ABCA3: variants seen among roughly 807,000 people sequenced by gnomAD.
ABCA3 encodes the protein ATP binding cassette subfamily A member 3.
A neutral mutation model predicts 172.8 loss-of-function variants in ABCA3; 88 were observed. The ratio of observed to expected loss-of-function variants is 0.51; its 90% CI spans 0.43 to 0.61. The LOEUF is 0.61. ABCA3 is among the 20% of genes least tolerant of loss of function. The pLI is 0.00. For synonymous variants in ABCA3, 1,066 were observed against 983.8 expected, an observed-to-expected ratio of 1.08 and a Z score of -1.56; for missense variants, 2,164 against 2,301.0, an observed-to-expected ratio of 0.94 and a Z score of 1.22.
In ABCA3 at chr16:2,286,838, TG is replaced by T; in HGVS notation, c.3133del (p.Gln1045ArgfsTer89). The T allele has an allele frequency of 1.2e-6, 2 of 1,614,136 alleles. No homozygotes were observed. Among genetic ancestry groups the T allele is most frequent in the Non-Finnish European group, 1.7e-6 (2 of 1,180,034 alleles). ...RTVVNALFNNQAYHSPATALA... is the reference protein window; with the variant it reads ...RTVVNALFNNXAYHSPATALA... ...GGCAGTGGCTGGAGAGTGGTACGCC[TG>T]GTTGTTGAACAAGGCGTTGACGACC... On this transcript the variant is annotated frameshift_variant, in exon 22 of 33. Transcript: ENST00000301732. LOFTEE classifies it high-confidence loss of function. This position sits in a 1 kb window ranked among gnomAD's most constrained non-coding sequence, Gnocchi z 5.2.
rs760782028 is a variant in ABCA3, at chr16:2,276,625, C to T, written c.*49G>A. 12 of 1,603,488 alleles carry T rather than the reference C, an allele frequency of 7.5e-6. No individual in the cohort carries two copies. Among genetic ancestry groups the T allele is most frequent in the Admixed American group, 5.0e-5 (3 of 59,892 alleles). On this transcript the variant is annotated 3_prime_UTR_variant, in exon 33 of 33. Coordinates refer to ENST00000301732, the MANE Select transcript of ABCA3 (RefSeq NM_001089.3). ...TGGAGAGAGAGGATGTAAGATGGGC[C>T]CTGCTTGCCCGTCCTGTCCCTGCCT...
At position 2,281,446 on chromosome 16, in the gene ABCA3, G is replaced by C; in HGVS notation, c.4099C>G (p.Arg1367Gly). Residue 1367 changes from arginine to glycine, a missense_variant, in exon 27 of 33, where the codon CGC becomes GGC. By Grantham distance (125) the Arg-to-Gly change is moderately radical (BLOSUM62 -2). Transcript: ENST00000301732. The surrounding 1 kb of genome is among the most constrained non-coding windows in gnomAD (Gnocchi z 4.7). ...EDQDVADERT[R>G]ILAPSPDSLL... The stretch of plus-strand genomic sequence containing the variant: ...GAGTCCGGACTGGGGGCCAGGATGC[G>C]GGTCCTCTCGTCCGCTACATCTTGG... The C allele has an allele frequency of 2.5e-6, 4 of 1,613,652 alleles. No homozygotes were observed. Among genetic ancestry groups the C allele is most frequent in the Non-Finnish European group, 3.4e-6 (4 of 1,179,982 alleles).
At position 2,276,047 on chromosome 16, in the gene ABCA3, T is replaced by G. The variant is rs2093645785; in HGVS notation, c.*627A>C. On this transcript the variant is annotated 3_prime_UTR_variant, in exon 33 of 33. Coordinates refer to ENST00000301732, the MANE Select transcript of ABCA3 (RefSeq NM_001089.3). ...CTTCGAGCCTGGCCACCTTCCCTCC[T>G]GTGCCGGCTGCTTCTAGGAGATGCT... The G allele has an allele frequency of 3.5e-6, 1 of 287,190 alleles. No homozygotes were observed. Among genetic ancestry groups the G allele is most frequent in the Non-Finnish European group, 6.9e-6 (1 of 144,868 alleles). 17.8% of individuals were successfully genotyped at this position (287,190 alleles called of 1,614,324 possible).
rs1463473071 is a variant in ABCA3, at chr16:2,338,451, A to G, written c.-539+2122T>C. On this transcript the variant is annotated intron_variant, in intron 1 of 32. Transcript: ENST00000301732. ...GCTCTTTGTCTTGGCTGCCTGCACAATGGAATTTTCCAGGGCACTTTAAGA... is the reference window on the plus strand; with the variant it reads ...GCTCTTTGTCTTGGCTGCCTGCACAGTGGAATTTTCCAGGGCACTTTAAGA... Among the ~76,000 whole-genome samples the G allele has an allele frequency of 4.6e-5, 7 of 152,188 alleles. No homozygotes were observed. The South Asian group carries it at 6.2e-4, about 13-fold the overall frequency.
In ABCA3 at chr16:2,317,810, C is replaced by A. The variant is rs1208282968; in HGVS notation, c.874-46G>T. 8.3e-6 allele frequency: 13 copies of A among 1,574,510 alleles called. No homozygotes were observed. The East Asian group carries it at 2.5e-4, about 30-fold the overall frequency. ...GCTGCTGGGGGCCCGTCACTGCCCG[C>A]CATGATGGCATGTGCCAGGCTGGAC... On this transcript the variant is annotated intron_variant, in intron 8 of 32. Coordinates refer to ENST00000301732, the MANE Select transcript of ABCA3 (RefSeq NM_001089.3).
At chr16:2,332,741 A>G in intron 1 of ABCA3, 2 of 1,105,962 alleles carry the variant, frequency 1.8e-6, no homozygotes, top group Non-Finnish European at 2.7e-6. Context: ...TGCCTCCTCC[A>G]TTTCTTTATT....
Position 2,284,015 on chromosome 16 carries a change from C to G in ABCA3, c.3862+264G>C, listed in dbSNP as rs2141693470. 1 of 438,106 alleles carries G rather than the reference C, an allele frequency of 2.3e-6. No individual in the cohort carries two copies. The highest frequency in any genetic ancestry group is 2.5e-5 in the South Asian group (1 of 40,034). The allele number at this position is 438,106 out of a possible 1,614,324, so 27.1% of individuals were successfully genotyped here. A position where few individuals can be genotyped will look rare whatever the true frequency, so the allele number is the denominator to read the frequency against. On this transcript the variant is annotated intron_variant, in intron 25 of 32. Coordinates refer to ENST00000301732, the MANE Select transcript of ABCA3 (RefSeq NM_001089.3). The surrounding 1 kb of genome is among the most constrained non-coding windows in gnomAD (Gnocchi z 5.9). The stretch of plus-strand genomic sequence containing the variant: ...CCCCTGAGCCATGGGGGATTCACTC[C>G]TCGTGCTAAGCGCTGGTCTGTGGTT...
chr16:2,298,774 C>A (rs2093684248), intron 14 of ABCA3, among the ~76,000 whole-genome samples: 1 of 152,102 alleles, frequency 6.6e-6, no homozygotes, highest in Non-Finnish European at 1.5e-5. Context: ...GGAGGAGAAA[C>A]CCACGACACA....
intron 1 of ABCA3, among the ~76,000 whole-genome samples, chr16:2,337,358 A>C (rs934894567): frequency 6.6e-6 from 1 of 151,190 alleles, no homozygotes; most frequent in Non-Finnish European, 1.5e-5. Context: ...GTACACATGA[A>C]AAAAAAAGTC....
Position 2,286,928 on chromosome 16 carries a change from T to A in ABCA3, c.3044A>T (p.Glu1015Val). ...EEFLIFRASVEGGGFNERCLV... is the reference protein window; with the variant it reads ...EEFLIFRASVVGGGFNERCLV... ...GCACCGCTCATTAAAGCCGCCCCCC[T>A]CCACAGAAGCCCTGAAGATCAAGAA... The change falls in exon 22 of 33, where the codon GAG (glutamate) becomes GTG (valine). Residue 1015 changes from glutamate (E) to valine (V), a missense_variant. Glu to Val is a moderately radical substitution (Grantham distance 121, BLOSUM62 -2). Around this residue, in one of 3 missense-constraint regions of ABCA3, gnomAD observed 1,343 missense variants for 1,369.6 expected, o/e 0.98. Transcript: ENST00000301732. The surrounding 1 kb of genome is among the most constrained non-coding windows in gnomAD (Gnocchi z 5.2). The A allele has an allele frequency of 1.9e-6, 3 of 1,613,740 alleles. No individual in the cohort carries two copies. Among genetic ancestry groups the A allele is most frequent in the Non-Finnish European group, 2.5e-6 (3 of 1,179,942 alleles).
In ABCA3 at chr16:2,288,149, C is replaced by T. The variant is rs766582057; in HGVS notation, c.2881G>A (p.Gly961Ser). ...FDDPMLRLTL[G>S]EYGRTVVPFS... ...GGCACGACGGTTCTGCCGTACTCGC[C>T]CAAGGTCAGCCTCAGCATGGGGTCG... The change falls in exon 21 of 33, where the codon GGC becomes AGC. Residue 961 changes from glycine to serine, a missense_variant. By Grantham distance (56) the Gly-to-Ser change is moderately conservative. Transcript: ENST00000301732. 9.3e-6 allele frequency: 15 copies of T among 1,611,470 alleles called. No individual in the cohort carries two copies. The African/African-American group carries it at 2.0e-4, about 21-fold the overall frequency.
Position 2,284,832 on chromosome 16 carries a change from T to G in ABCA3, c.3650A>C (p.Asn1217Thr). Residue 1217 changes from asparagine to threonine, a missense_variant, in exon 24 of 33, where the codon AAC (asparagine) becomes ACC (threonine). By Grantham distance (65) the Asn-to-Thr change is moderately conservative (BLOSUM62 0). Transcript: ENST00000301732. The surrounding 1 kb of genome is among the most constrained non-coding windows in gnomAD (Gnocchi z 5.9). ...GAAGGTGGCGATGCCTGACAGGATGTTGAAGATGGTCAGCCTCGTGTAGGC... is the reference window on the plus strand; with the variant it reads ...GAAGGTGGCGATGCCTGACAGGATGGTGAAGATGGTCAGCCTCGTGTAGGC... ...ATAYTRLTIF[N>T]ILSGIATFLM... 1 of 1,613,844 alleles carries G rather than the reference T, an allele frequency of 6.2e-7. No individual in the cohort carries two copies. Among genetic ancestry groups the G allele is most frequent in the South Asian group, 1.1e-5 (1 of 91,078 alleles).
chr16:2,304,500 C>CTTTTTTT (rs34874417), intron 11 of ABCA3, among the ~76,000 whole-genome samples: 18 of 84,046 alleles, frequency 2.1e-4, no homozygotes, highest in East Asian at 3.2e-4. Flanking sequence ...TAGCATAAGT[C>CTTTTTTT]TTTTTTTTTT....
chr16:2,336,264 G>T (rs2093751542), intron 1 of ABCA3, among the ~76,000 whole-genome samples: 1 of 152,236 alleles, frequency 6.6e-6, no homozygotes, highest in South Asian at 2.1e-4. Context: ...CACCTACCCT[G>T]ATAGCCCCTG....
intron 10 of ABCA3, 102 bp downstream of exon 10, chr16:2,317,181 C>T: frequency 6.4e-7 from 1 of 1,557,338 alleles, no homozygotes; most frequent in Non-Finnish European, 8.8e-7. Flanking sequence ...TGGGCAGCTC[C>T]ACCAGGCCAC....
chr16:2,298,663 G>T, intron 14 of ABCA3, 123 bp from the exon 15 acceptor site: 1 of 1,228,290 alleles, frequency 8.1e-7, no homozygotes, highest in Non-Finnish European at 1.1e-6. Context: ...CCCATGAGAG[G>T]GCACGGAACC....
chr16:2,277,805 C>T lies in ABCA3; in HGVS notation c.4909+74G>A, dbSNP rs550295960. The T allele has an allele frequency of 2.2e-5, 35 of 1,597,578 alleles. No homozygotes were observed. Among genetic ancestry groups the T allele is most frequent in the East Asian group, 9.0e-5 (4 of 44,246 alleles). On this transcript the variant is annotated intron_variant, in intron 31 of 32. Coordinates refer to ENST00000301732, the MANE Select transcript of ABCA3 (RefSeq NM_001089.3). The surrounding 1 kb of genome is among the most constrained non-coding windows in gnomAD (Gnocchi z 5.3). ...TTGGCGGGGCGAGGCACAGACGCTC[C>T]GCACAGCAGATGGGAGAGGCCTAGG... is the stretch of plus-strand genomic sequence containing the variant.
intron 3 of ABCA3, 51 bp from the exon 4 acceptor site, chr16:2,326,543 G>T: frequency 6.5e-7 from 1 of 1,545,688 alleles, no homozygotes; most frequent in South Asian, 1.2e-5. Context: ...GAAACACGCA[G>T]AGTGGGGATT....
chr16:2,333,692 T>C (rs1479657301), intron 1 of ABCA3, among the ~76,000 whole-genome samples: 2 of 150,248 alleles, frequency 1.3e-5, no homozygotes, highest in African/African-American at 2.4e-5. Flanking sequence ...TAACATTCTT[T>C]TTTTTTTTTT....
Sources: gnomAD v4.1 joint callset for allele counts (sites outside exome capture counted in the v4.1 genomes callset) on GRCh38, gnomAD v4.1.1 for gene constraint, gnomAD v4.1.1 regional missense constraint, Gnocchi (gnomAD v3.1) non-coding constraint, MANE v1.5 for transcripts, NCBI Gene and HGNC (gene_info 2026-07-23, HGNC 2026-07-21) for gene names.